GHR: variants seen among roughly 807,000 people sequenced by gnomAD.
GHR encodes GH receptor.
In GHR, 35 loss-of-function variants were observed where a neutral mutation model predicts 67.1. The observed-to-expected ratio is 0.52, with a 90% CI of 0.40 to 0.69. GHR has a LOEUF of 0.69. Ranked by LOEUF, GHR falls within the 30% of genes least tolerant of loss-of-function variation. The pLI, the probability that GHR is intolerant of heterozygous loss-of-function variation, is 0.00. For synonymous variants in GHR, 272 were observed against 269.1 expected (o/e 1.01, Z -0.10); for missense variants, 792 against 764.6 (o/e 1.04, Z -0.42).
intron 1 of GHR, among the ~76,000 whole-genome samples, chr5:42,434,124 A>C (rs1012473585): frequency 6.6e-6 from 1 of 152,170 alleles, no homozygotes; most frequent in African/African-American, 2.4e-5. Context: ...CTTCCATTCA[A>C]GAATATGATC....
At chr5:42,499,565 G>T (rs1746453071) in intron 1 of GHR, among the ~76,000 whole-genome samples, 1 of 152,194 alleles carries the variant, frequency 6.6e-6, no homozygotes, top group Non-Finnish European at 1.5e-5. Context: ...CAAAGTTGTT[G>T]TTGTTGTGGT....
intron 6 of GHR, among the ~76,000 whole-genome samples, chr5:42,702,949 T>A (rs561516223): frequency 2.6e-5 from 4 of 152,038 alleles, no homozygotes; most frequent in Non-Finnish European, 5.9e-5. Context: ...TCCTTATATA[T>A]TTCAGATAGT....
rs1561139025 is a variant in GHR at position 42,579,147 on chromosome 5, TA to T, written c.70+13204del. 2.0e-3 allele frequency among the ~76,000 whole-genome samples: 127 copies of T among 63,580 alleles called. 1 individual carries two copies. Among genetic ancestry groups the T allele is most frequent in the Non-Finnish European group, 2.5e-3 (77 of 31,402 alleles). 41.7% of individuals were successfully genotyped at this position (63,580 alleles called of 152,430 possible). On this transcript the variant is annotated intron_variant, in intron 2 of 9. Coordinates refer to ENST00000230882, the MANE Select transcript of GHR (RefSeq NM_000163.5). ...GATAGATAGATAGATAGATGATAGA[TA>T]GATATAGATAGATAGATAGATAGAT...
At chr5:42,670,419 T>C (rs1197666321) in intron 3 of GHR, among the ~76,000 whole-genome samples, 1 of 152,064 alleles carries the variant, frequency 6.6e-6, no homozygotes, top group Non-Finnish European at 1.5e-5. Context: ...ATAAAACTAA[T>C]GCAGAAAATA....
Position 42,711,201 on chromosome 5 carries a change from T to G in GHR, c.619-6T>G. The G allele has an allele frequency of 1.9e-6, 3 of 1,610,920 alleles. No homozygotes were observed. The highest frequency in any genetic ancestry group is 2.5e-6 in the Non-Finnish European group (3 of 1,177,168). On this transcript the variant is annotated splice_polypyrimidine_tract_variant and splice_region_variant and intron_variant, in intron 6 of 9. Transcript: ENST00000230882. ...GCCAATATGCGTTTATATTTTGTCT[T>G]GAAAGATGGACCCTATATTGACAAC...
Position 42,456,907 on chromosome 5 carries a change from C to T in GHR, c.-12+32952C>T, listed in dbSNP as rs149869785. Among the ~76,000 whole-genome samples the T allele has an allele frequency of 1.1e-3, 174 of 152,238 alleles. 1 individual carries two copies. The highest frequency in any genetic ancestry group is 3.9e-3 in the African/African-American group (163 of 41,540). The stretch of plus-strand genomic sequence containing the variant: ...GACTGCTATGGAAAAGACACCCACC[C>T]GGGGCTAAGAGGGAGGGAGGCGGAA... On this transcript the variant is annotated intron_variant, in intron 1 of 9. Coordinates refer to ENST00000230882, the MANE Select transcript of GHR (RefSeq NM_000163.5).
At chr5:42,583,848 A>G (rs1751323783) in intron 2 of GHR, among the ~76,000 whole-genome samples, 1 of 149,670 alleles carries the variant, frequency 6.7e-6, no homozygotes, top group Non-Finnish European at 1.5e-5. Context: ...AATCTTGCAA[A>G]AAATAAAGAT....
intron 5 of GHR, among the ~76,000 whole-genome samples, chr5:42,696,029 G>T (rs993705553): frequency 1.3e-5 from 2 of 152,216 alleles, no homozygotes; most frequent in Admixed American, 1.3e-4. Flanking sequence ...TAACCCAATT[G>T]CTTTGCAAAG....
chr5:42,463,967 T>C (rs990876370), intron 1 of GHR, among the ~76,000 whole-genome samples: 2 of 112,392 alleles, frequency 1.8e-5, no homozygotes, highest in African/African-American at 3.6e-5. Flanking sequence ...CACTCCAGCC[T>C]GGGCGACAGA....
rs1029579482 is a variant in GHR at position 42,719,871 on chromosome 5, C to G, written c.*447C>G. On this transcript the variant is annotated 3_prime_UTR_variant, in exon 10 of 10. Transcript: ENST00000230882. ...ATAAGAAACTTTTTTATTTAAAAAACTAAAAACTAGAGGTGAGAAATTTAA... is the reference window on the plus strand; with the variant it reads ...ATAAGAAACTTTTTTATTTAAAAAAGTAAAAACTAGAGGTGAGAAATTTAA... 1.2e-5 allele frequency: 2 copies of G among 173,362 alleles called. No individual in the cohort carries two copies. Among genetic ancestry groups the G allele is most frequent in the Non-Finnish European group, 2.4e-5 (2 of 81,638 alleles). 10.7% of individuals were successfully genotyped at this position (173,362 alleles called of 1,614,324 possible).
At chr5:42,665,537 A>T (rs1341080935) in intron 3 of GHR, among the ~76,000 whole-genome samples, 1 of 151,928 alleles carries the variant, frequency 6.6e-6, no homozygotes, top group Non-Finnish European at 1.5e-5. Context: ...ATAGGTGGGA[A>T]TTGAACAATG....
chr5:42,470,111 A>C (rs1744935852), intron 1 of GHR, among the ~76,000 whole-genome samples: 1 of 146,508 alleles, frequency 6.8e-6, no homozygotes, highest in Non-Finnish European at 1.5e-5. Context: ...TCAATAATAA[A>C]ATATTATATT....
chr5:42,463,316 G>A (rs1744566279), intron 1 of GHR, among the ~76,000 whole-genome samples: 1 of 152,158 alleles, frequency 6.6e-6, no homozygotes, highest in African/African-American at 2.4e-5. Context: ...CGACTTCAGG[G>A]AAAATGTTTT....
At chr5:42,671,699 G>A (rs1554034977) in intron 3 of GHR, among the ~76,000 whole-genome samples, 1 of 150,660 alleles carries the variant, frequency 6.6e-6, no homozygotes, top group Non-Finnish European at 1.5e-5. Context: ...GCTCACACCT[G>A]TAATCCCAGC....
At chr5:42,625,035 A>G (rs971302610) in intron 2 of GHR, among the ~76,000 whole-genome samples, 2 of 152,158 alleles carry the variant, frequency 1.3e-5, no homozygotes, top group Admixed American at 6.5e-5. Flanking sequence ...TGATCTATAG[A>G]TGAAGATAAT....
At chr5:42,639,526 C>T (rs756737150) in intron 3 of GHR, among the ~76,000 whole-genome samples, 47 of 151,980 alleles carry the variant, frequency 3.1e-4, no homozygotes, top group Non-Finnish European at 6.6e-4. Flanking sequence ...GAATTTAAAA[C>T]CCCGAATTTG....
chr5:42,718,518 C>T lies in GHR; in HGVS notation c.1011C>T (p.His337=). Residue 337 remains histidine, a synonymous_variant, in exon 10 of 10, where the codon CAC becomes CAT. Transcript: ENST00000230882. ...ATGATAGCTATAAACCCGAATTCCA[C>T]AGTGATGACTCTTGGGTTGAATTTA... is the stretch of plus-strand genomic sequence containing the variant. The part of the protein sequence containing the change: ...AIHDSYKPEF[H]SDDSWVEFIE... The T allele has an allele frequency of 1.9e-6, 3 of 1,612,780 alleles. No homozygotes were observed. Among genetic ancestry groups the T allele is most frequent in the South Asian group, 2.2e-5 (2 of 91,048 alleles).
At chr5:42,649,337 T>C (rs1253800055) in intron 3 of GHR, among the ~76,000 whole-genome samples, 1 of 152,206 alleles carries the variant, frequency 6.6e-6, no homozygotes, top group African/African-American at 2.4e-5. Flanking sequence ...AAGCTGAGAT[T>C]CTTCAGAACA....
intron 2 of GHR, among the ~76,000 whole-genome samples, chr5:42,599,010 ATAT>A (rs1422234775): frequency 6.6e-6 from 1 of 152,238 alleles, no homozygotes; most frequent in Non-Finnish European, 1.5e-5. Flanking sequence ...ATTTAAAGTC[ATAT>A]TATCTGGCAC....
Sources: gnomAD v4.1 joint callset for allele counts (sites outside exome capture counted in the v4.1 genomes callset) on GRCh38, gnomAD v4.1.1 for gene constraint, MANE v1.5 for transcripts, NCBI Gene and HGNC (gene_info 2026-07-23, HGNC 2026-07-21) for gene names.